SRRM2: variants seen among roughly 807,000 people sequenced by gnomAD.
SRRM2 encodes the protein serine/arginine repetitive matrix protein 2.
A neutral mutation model predicts 213.8 loss-of-function variants in SRRM2; 30 were observed. The ratio of observed to expected loss-of-function variants is 0.14; its 90% CI spans 0.10 to 0.19. SRRM2 has a LOEUF of 0.19. Ranked by LOEUF, SRRM2 falls within the 10% of genes least tolerant of loss-of-function variation. The pLI is 1.00. For synonymous variants in SRRM2, 2,025 were observed against 1,377.7 expected, an observed-to-expected ratio of 1.47 and a Z score of -10.40; for missense variants, 4,904 against 3,647.0, an observed-to-expected ratio of 1.34 and a Z score of -8.88.
rs141420369 is a variant in SRRM2 at position 2,757,921 on chromosome 16, C to T, written c.491C>T (p.Ala164Val). The T allele has an allele frequency of 1.9e-4, 312 of 1,614,118 alleles. No individual in the cohort carries two copies. The African/African-American group carries it at 2.5e-3, about 13-fold the overall frequency. Residue 164 changes from alanine to valine, a missense_variant, in exon 4 of 15, where the codon GCT (alanine) becomes GTT (valine). Coordinates refer to ENST00000301740, the MANE Select transcript of SRRM2 (RefSeq NM_016333.4). ...QRRAREAKQP[A>V]PEPPKPYSLV... ...CGTGCCCGAGAAGCTAAACAACCAG[C>T]TCCTGAGCCTCCCAAACCTTACAGG... is the stretch of plus-strand genomic sequence containing the variant.
At position 2,770,469 on chromosome 16, in the gene SRRM2, A is replaced by C; in HGVS notation, c.8135+4A>C. 1 of 1,603,822 alleles carries C rather than the reference A, an allele frequency of 6.2e-7. No individual in the cohort carries two copies. The highest frequency in any genetic ancestry group is 8.5e-7 in the Non-Finnish European group (1 of 1,175,562). On this transcript the variant is annotated splice_donor_region_variant and intron_variant, in intron 13 of 14. Coordinates refer to ENST00000301740, the MANE Select transcript of SRRM2 (RefSeq NM_016333.4). ...CCTCACCACGGGACCAGCAGAGGTAAGGCCAACTGCAGGTGTCAGCACCCA... is the reference window on the plus strand; with the variant it reads ...CCTCACCACGGGACCAGCAGAGGTACGGCCAACTGCAGGTGTCAGCACCCA...
In SRRM2 at chr16:2,765,679, C is replaced by T. The variant is rs1012297006; in HGVS notation, c.5151C>T (p.Arg1717=). The T allele has an allele frequency of 3.4e-5, 55 of 1,614,060 alleles. No individual in the cohort carries two copies. Among genetic ancestry groups the T allele is most frequent in the Non-Finnish European group, 4.2e-5 (50 of 1,180,030 alleles). ...SRSASSSPET[R]SRTPPRHRRS... The stretch of plus-strand genomic sequence containing the variant: ...CTGCCTCATCCTCACCAGAAACTCG[C>T]TCTAGAACTCCCCCAAGGCACCGGA... The change falls in exon 11 of 15, where the codon CGC becomes CGT. Residue 1717 remains arginine (R), a synonymous_variant. Coordinates refer to ENST00000301740, the MANE Select transcript of SRRM2 (RefSeq NM_016333.4).
At position 2,767,490 on chromosome 16, in the gene SRRM2, C is replaced by A; in HGVS notation, c.6962C>A (p.Ala2321Glu). ...GGCTCTGGCACACCACCAACTGCTG[C>A]AAACTATCCCTCCAGCTCCAGAACA... ...LTGSGTPPTA[A>E]NYPSSSRTPQ... The change falls in exon 11 of 15, where the codon GCA becomes GAA. Residue 2321 changes from alanine (A) to glutamate (E), a missense_variant. Ala to Glu is a moderately radical substitution (Grantham distance 107). Coordinates refer to ENST00000301740, the MANE Select transcript of SRRM2 (RefSeq NM_016333.4). The A allele has an allele frequency of 6.2e-7, 1 of 1,614,236 alleles. No homozygotes were observed. The highest frequency in any genetic ancestry group is 8.5e-7 in the Non-Finnish European group (1 of 1,180,030).
chr16:2,763,334 C>G lies in SRRM2; in HGVS notation c.2806C>G (p.Pro936Ala), dbSNP rs749644035. Reference protein sequence around the residue: ...RQRSHSGSSSPSPSRVTSRTT... With the variant: ...RQRSHSGSSSASPSRVTSRTT... ...AAGAAGCCATTCTGGCTCCTCTTCTCCAAGTCCTAGTAGGGTGACGTCGAG... is the reference window on the plus strand; with the variant it reads ...AAGAAGCCATTCTGGCTCCTCTTCTGCAAGTCCTAGTAGGGTGACGTCGAG... Residue 936 changes from proline to alanine, a missense_variant, in exon 11 of 15, where the codon CCA becomes GCA. Physicochemically the swap from Pro to Ala is conservative, Grantham distance 27 (BLOSUM62 -1). Coordinates refer to ENST00000301740, the MANE Select transcript of SRRM2 (RefSeq NM_016333.4). The G allele has an allele frequency of 8.7e-6, 14 of 1,614,160 alleles. No homozygotes were observed. The East Asian group carries it at 2.2e-4, about 26-fold the overall frequency.
Position 2,762,447 on chromosome 16 carries a change from C to T in SRRM2, c.1919C>T (p.Pro640Leu), listed in dbSNP as rs184230162. Residue 640 changes from proline to leucine, a missense_variant, in exon 11 of 15, where the codon CCA becomes CTA. Transcript: ENST00000301740. ...CGACGCAGGTCTCGTAGTAGATCAC[C>T]AGCCAGGAGAAGTGGCAGGTCACGC... The part of the protein sequence containing the change: ...PVRRRSRSRS[P>L]ARRSGRSRSR... The T allele has an allele frequency of 1.9e-6, 3 of 1,614,040 alleles. No individual in the cohort carries two copies. The highest frequency in any genetic ancestry group is 4.5e-5 in the East Asian group (2 of 44,878).
chr16:2,766,061 C>G lies in SRRM2; in HGVS notation c.5533C>G (p.Pro1845Ala), dbSNP rs375391967. ...ACGCCGAAGAGGCCGCTCTCGGACACCCCCAACCAGTCGGAAGCGTTCTCG... is the reference window on the plus strand; with the variant it reads ...ACGCCGAAGAGGCCGCTCTCGGACAGCCCCAACCAGTCGGAAGCGTTCTCG... ...SRRRRGRSRT[P>A]PTSRKRSRSR... Residue 1845 changes from proline (P) to alanine (A), a missense_variant, in exon 11 of 15, where the codon CCC becomes GCC. By Grantham distance (27) the Pro-to-Ala change is conservative. Coordinates refer to ENST00000301740, the MANE Select transcript of SRRM2 (RefSeq NM_016333.4). This position sits in a 1 kb window ranked among gnomAD's most constrained non-coding sequence, Gnocchi z 7.0. The G allele has an allele frequency of 4.3e-6, 7 of 1,614,032 alleles. No individual in the cohort carries two copies. Among genetic ancestry groups the G allele is most frequent in the Non-Finnish European group, 5.9e-6 (7 of 1,180,032 alleles).
At chr16:2,759,830 A>T in intron 9 of SRRM2, 169 bp downstream of exon 9, 1 of 581,036 alleles carries the variant, frequency 1.7e-6, no homozygotes, top group Non-Finnish European at 3.0e-6. Context: ...AGACATATAC[A>T]TTTCCCCTTC....
rs1406296814 is a variant in SRRM2 at position 2,766,284 on chromosome 16, G to A, written c.5756G>A (p.Ser1919Asn). The A allele has an allele frequency of 1.2e-6, 2 of 1,614,072 alleles. No individual in the cohort carries two copies. Among genetic ancestry groups the A allele is most frequent in the Non-Finnish European group, 1.7e-6 (2 of 1,180,056 alleles). Residue 1919 changes from serine to asparagine, a missense_variant, in exon 11 of 15, where the codon AGC becomes AAC. By Grantham distance (46) the Ser-to-Asn change is conservative (BLOSUM62 1). Transcript: ENST00000301740. The surrounding 1 kb of genome is among the most constrained non-coding windows in gnomAD (Gnocchi z 7.0). ...RRSRSRASPV[S>N]RRRSRSRTPP... is the part of the protein sequence containing the mutation. The stretch of plus-strand genomic sequence containing the variant: ...TCCCGGTCAAGAGCATCCCCAGTGA[G>A]CAGAAGGCGATCCAGATCCAGAACG...
In SRRM2 at chr16:2,762,877, C is replaced by A. The variant is rs1426992712; in HGVS notation, c.2349C>A (p.Ser783=). The change falls in exon 11 of 15, where the codon TCC becomes TCA. Residue 783 remains serine (S), a synonymous_variant. Transcript: ENST00000301740. ...LSLRRSLSGS[S]PCPKQKSQTP... is the part of the protein sequence containing the mutation. ...TGAGGCGCAGCCTTTCAGGGTCTTC[C>A]CCATGCCCTAAACAAAAGTCACAGA... is the stretch of plus-strand genomic sequence containing the variant. 1 of 1,614,148 alleles carries A rather than the reference C, an allele frequency of 6.2e-7. No homozygotes were observed. The highest frequency in any genetic ancestry group is 2.2e-5 in the East Asian group (1 of 44,890).
chr16:2,769,843 C>T (rs749607750), intron 12 of SRRM2: 7 of 466,436 alleles, frequency 1.5e-5, no homozygotes, highest in East Asian at 1.4e-4. Context: ...CCCGCCCCCA[C>T]ACATGCCCTG....
At position 2,763,079 on chromosome 16, in the gene SRRM2, A is replaced by T. The variant is rs1258520045; in HGVS notation, c.2551A>T (p.Arg851Trp). Residue 851 changes from arginine to tryptophan, a missense_variant, in exon 11 of 15, where the codon AGG becomes TGG. Physicochemically the swap from Arg to Trp is moderately radical, Grantham distance 101. Coordinates refer to ENST00000301740, the MANE Select transcript of SRRM2 (RefSeq NM_016333.4). ...TAAAGTGAAATCTGGAACACCACCG[A>T]GGCAAGGGTCCATAACAAGTCCCCA... is the stretch of plus-strand genomic sequence containing the variant. Reference protein sequence around the residue: ...HPKVKSGTPPRQGSITSPQAN... With the variant: ...HPKVKSGTPPWQGSITSPQAN... 1.9e-6 allele frequency: 3 copies of T among 1,614,180 alleles called. No individual in the cohort carries two copies. Among genetic ancestry groups the T allele is most frequent in the Non-Finnish European group, 2.5e-6 (3 of 1,180,030 alleles).
rs762372746 is a variant in SRRM2 at position 2,767,016 on chromosome 16, G to A, written c.6488G>A (p.Arg2163Gln). ...TCCATGATGGATGGTCCAGGTCCCCGAATACCTGACCACCAGAGAACATCT... is the reference window on the plus strand; with the variant it reads ...TCCATGATGGATGGTCCAGGTCCCCAAATACCTGACCACCAGAGAACATCT... ...GGSMMDGPGPRIPDHQRTSVP... is the reference protein window; with the variant it reads ...GGSMMDGPGPQIPDHQRTSVP... The change falls in exon 11 of 15, where the codon CGA (arginine) becomes CAA (glutamine). Residue 2163 changes from arginine (R) to glutamine (Q), a missense_variant. By Grantham distance (43) the Arg-to-Gln change is conservative. Transcript: ENST00000301740. 8.1e-6 allele frequency: 13 copies of A among 1,613,948 alleles called. No individual in the cohort carries two copies. Among genetic ancestry groups the A allele is most frequent in the Non-Finnish European group, 1.1e-5 (13 of 1,180,030 alleles).
chr16:2,764,372 T>C lies in SRRM2; in HGVS notation c.3844T>C (p.Leu1282=), dbSNP rs2068466522. 6.2e-7 allele frequency: 1 copy of C among 1,614,190 alleles called. No homozygotes were observed. The highest frequency in any genetic ancestry group is 8.5e-7 in the Non-Finnish European group (1 of 1,180,032). The change falls in exon 11 of 15, where the codon TTG becomes CTG. Residue 1282 remains leucine (L), a synonymous_variant. Coordinates refer to ENST00000301740, the MANE Select transcript of SRRM2 (RefSeq NM_016333.4). ...PEVEERPAVS[L]TLDQSQSQAS... ...AGTAGAAGAAAGGCCTGCTGTGTCT[T>C]TGACTCTTGATCAGAGCCAGTCACA... is the stretch of plus-strand genomic sequence containing the variant.
rs745417937 is a variant in SRRM2 at position 2,764,645 on chromosome 16, G to C, written c.4117G>C (p.Glu1373Gln). The C allele has an allele frequency of 1.2e-6, 2 of 1,614,110 alleles. No individual in the cohort carries two copies. Among genetic ancestry groups the C allele is most frequent in the East Asian group, 4.5e-5 (2 of 44,886 alleles). The change falls in exon 11 of 15, where the codon GAA (glutamate) becomes CAA (glutamine). Residue 1373 changes from glutamate (E) to glutamine (Q), a missense_variant. Physicochemically the swap from Glu to Gln is conservative, Grantham distance 29. Coordinates refer to ENST00000301740, the MANE Select transcript of SRRM2 (RefSeq NM_016333.4). The stretch of plus-strand genomic sequence containing the variant: ...AACAGATCCATCTCTAGACATGAAA[G>C]AACAATCGACAAGATCCTCTGGACA... The part of the protein sequence containing the change: ...LETDPSLDMK[E>Q]QSTRSSGHSS...
rs758502638 is a variant in SRRM2 at position 2,761,718 on chromosome 16, C to T, written c.1190C>T (p.Ala397Val). Residue 397 changes from alanine (A) to valine (V), a missense_variant, in exon 11 of 15, where the codon GCC (alanine) becomes GTC (valine). Coordinates refer to ENST00000301740, the MANE Select transcript of SRRM2 (RefSeq NM_016333.4). Reference sequence around the variant, plus strand: ...GAGCCAGTGAACCCCCCATCTGAGGCCTCTCCAACTCGGGACCGTTCACCA... The same window carrying T: ...GAGCCAGTGAACCCCCCATCTGAGGTCTCTCCAACTCGGGACCGTTCACCA... Reference protein sequence around the residue: ...SQEPVNPPSEASPTRDRSPPK... With the variant: ...SQEPVNPPSEVSPTRDRSPPK... 7.5e-6 allele frequency: 12 copies of T among 1,607,446 alleles called. No homozygotes were observed. Among genetic ancestry groups the T allele is most frequent in the Admixed American group, 1.7e-5 (1 of 59,282 alleles).
At chr16:2,759,480 C>G (rs1277519134) in intron 8 of SRRM2, 78 bp downstream of exon 8, 2 of 1,600,558 alleles carry the variant, frequency 1.2e-6, no homozygotes, top group African/African-American at 2.7e-5. Flanking sequence ...TGAGTTATGT[C>G]CCTGACTGGT....
Position 2,770,617 on chromosome 16 carries a change from C to T in SRRM2, c.8149C>T (p.Arg2717Trp), listed in dbSNP as rs1386546522. ...PRDQQSSSSERGSRRGQRGDS... is the reference protein window; with the variant it reads ...PRDQQSSSSEWGSRRGQRGDS... ...CCTGTGTTGCAGCAGCAGCAGTGAG[C>T]GGGGTTCCCGGAGAGGCCAGCGTGG... The change falls in exon 14 of 15, where the codon CGG becomes TGG. Residue 2717 changes from arginine (R) to tryptophan (W), a missense_variant. By Grantham distance (101) the Arg-to-Trp change is moderately radical. Transcript: ENST00000301740. 15 of 1,552,494 alleles carry T rather than the reference C, an allele frequency of 9.7e-6. No individual in the cohort carries two copies. The highest frequency in any genetic ancestry group is 1.2e-5 in the Non-Finnish European group (14 of 1,147,758).
At chr16:2,759,774 G>A (rs991238249) in intron 9 of SRRM2, 113 bp downstream of exon 9, 2 of 920,734 alleles carry the variant, frequency 2.2e-6, no homozygotes, top group Non-Finnish European at 3.4e-6. Flanking sequence ...CGGAAGACAC[G>A]GTCCCTGCCC....
Position 2,757,943 on chromosome 16 carries a change from C to T in SRRM2, c.513C>T (p.Tyr171=). The T allele has an allele frequency of 6.2e-7, 1 of 1,612,022 alleles. No individual in the cohort carries two copies. Among genetic ancestry groups the T allele is most frequent in the Non-Finnish European group, 8.5e-7 (1 of 1,179,200 alleles). ...CAGCTCCTGAGCCTCCCAAACCTTACAGGTATACAAGGCCAAGAAACCACT... is the reference window on the plus strand; with the variant it reads ...CAGCTCCTGAGCCTCCCAAACCTTATAGGTATACAAGGCCAAGAAACCACT... ...KQPAPEPPKP[Y]SLVRESSSSR... is the part of the protein sequence containing the mutation. Residue 171 remains tyrosine (Y), a splice_region_variant and synonymous_variant, in exon 4 of 15, where the codon TAC becomes TAT. Transcript: ENST00000301740.
Sources: allele counts gnomAD v4.1 joint callset, GRCh38; gene constraint gnomAD v4.1.1; non-coding constraint Gnocchi (gnomAD v3.1); transcripts MANE v1.5; gene names NCBI Gene and HGNC (gene_info 2026-07-23, HGNC 2026-07-21).